The following STOX2 variants were observed in gnomAD, a reference collection of about 807,000 sequenced individuals.
STOX2 encodes the protein storkhead box 2, also known as storkhead-box protein 2.
STOX2 carries 28 observed loss-of-function variants against 60.9 expected under a neutral mutation model. The ratio of observed to expected loss-of-function variants is 0.46; its 90% confidence interval spans 0.34 to 0.63. The LOEUF is 0.63. Ranked by LOEUF, STOX2 falls within the 30% of genes least tolerant of loss-of-function variation. The pLI is 0.01. For missense variants in STOX2, 1,024 were observed against 1,187.7 expected (o/e 0.86, Z 2.03); for synonymous variants, 472 against 463.9 (o/e 1.02, Z -0.22).
chr4:183,882,519 C>T (rs1740981473), intron 1 of STOX2, among the ~76,000 whole-genome samples: 1 of 152,134 alleles, frequency 6.6e-6, no homozygotes, highest in Non-Finnish European at 1.5e-5. Flanking sequence ...CCTTTAGCTG[C>T]ATTAAGTGGA....
chr4:184,002,720 C>G (rs374957827), intron 2 of STOX2, among the ~76,000 whole-genome samples: 1 of 152,184 alleles, frequency 6.6e-6, no homozygotes, highest in East Asian at 1.9e-4. Flanking sequence ...CTGCTAAACT[C>G]AAAGTCAAGG....
intron 1 of STOX2, among the ~76,000 whole-genome samples, chr4:183,981,465 G>A (rs541825153): frequency 2.6e-5 from 4 of 151,454 alleles, no homozygotes; most frequent in East Asian, 3.9e-4. Flanking sequence ...TAACCCAGTC[G>A]GTTGGAAATA....
In STOX2 at chr4:184,009,286, C is replaced by A; in HGVS notation, c.448C>A (p.Leu150Ile). The change falls in exon 3 of 4, where the codon CTC (leucine) becomes ATC (isoleucine). Residue 150 changes from leucine to isoleucine, a missense_variant. Physicochemically the swap from Leu to Ile is conservative, Grantham distance 5 (BLOSUM62 2). Coordinates refer to ENST00000308497, the MANE Select transcript of STOX2 (RefSeq NM_020225.3). This position sits in a 1 kb window ranked among gnomAD's most constrained non-coding sequence, Gnocchi z 4.0. ...ACAGACTTATTTCATAACTCCTTCC[C>A]TCATAAGAACTAACAGTAAATGGTA... ...TPQTYFITPSLIRTNSKWYHL... is the reference protein window; with the variant it reads ...TPQTYFITPSIIRTNSKWYHL... 2.5e-6 allele frequency: 4 copies of A among 1,613,976 alleles called. No individual in the cohort carries two copies. The highest frequency in any genetic ancestry group is 1.7e-6 in the Non-Finnish European group (2 of 1,179,862).
chr4:183,851,497 G>C (rs1222937137), intron 1 of STOX2, among the ~76,000 whole-genome samples: 3 of 52,060 alleles, frequency 5.8e-5, no homozygotes, highest in Admixed American at 1.7e-4. Flanking sequence ...ATGAGGGAAA[G>C]GATGAGGGAA....
intron 1 of STOX2, among the ~76,000 whole-genome samples, chr4:183,971,097 GA>G (rs1743729554): frequency 6.6e-6 from 1 of 152,126 alleles, no homozygotes; most frequent in Non-Finnish European, 1.5e-5. Flanking sequence ...TTTTTTGGTG[GA>G]ACTTTTTGTG....
Position 184,001,230 on chromosome 4 carries a change from G to A in STOX2, c.167-95G>A, listed in dbSNP as rs762754012. ...GCTATGTTCGGAGCTGACTGTGTTC[G>A]TCAGACCAGGGCCAGATGGACGCGT... On this transcript the variant is annotated intron_variant, in intron 1 of 3. Transcript: ENST00000308497. This position sits in a 1 kb window ranked among gnomAD's most constrained non-coding sequence, Gnocchi z 4.2. The A allele has an allele frequency of 4.3e-5, 55 of 1,270,190 alleles. 1 individual carries two copies. The highest frequency in any genetic ancestry group is 3.2e-4 in the South Asian group (23 of 71,868). The allele number at this position is 1,270,190 out of a possible 1,614,324, so 78.7% of individuals were successfully genotyped here.
At chr4:183,853,240 T>C (rs1164191458) in intron 1 of STOX2, among the ~76,000 whole-genome samples, 2 of 152,216 alleles carry the variant, frequency 1.3e-5, no homozygotes, top group African/African-American at 4.8e-5. Context: ...TTGTCTTCAT[T>C]GTCAGGCTTT....
chr4:183,917,175 A>C (rs1741955809), intron 1 of STOX2, among the ~76,000 whole-genome samples: 2 of 152,324 alleles, frequency 1.3e-5, no homozygotes, highest in South Asian at 4.1e-4. Context: ...CAGTGGCTTC[A>C]GTGGACTCTG....
chr4:183,982,156 T>A (rs1732678132), intron 1 of STOX2, among the ~76,000 whole-genome samples: 1 of 152,214 alleles, frequency 6.6e-6, no homozygotes, highest in Admixed American at 6.5e-5. Flanking sequence ...GATTAAGTGA[T>A]GATGTACTAG....
intron 2 of STOX2, among the ~76,000 whole-genome samples, chr4:184,008,546 G>A (rs993980479): frequency 3.3e-5 from 5 of 152,220 alleles, no homozygotes; most frequent in Admixed American, 1.3e-4. Flanking sequence ...AATTTTACCC[G>A]GGCTGCAGTC....
intron 1 of STOX2, among the ~76,000 whole-genome samples, chr4:183,848,386 C>G (rs1232845903): frequency 6.6e-6 from 1 of 152,112 alleles, no homozygotes; most frequent in Non-Finnish European, 1.5e-5. Context: ...TTCCTGGCAA[C>G]TTTTTAGAAC....
intron 1 of STOX2, among the ~76,000 whole-genome samples, chr4:183,812,547 A>T (rs911913807): frequency 1.3e-5 from 2 of 152,230 alleles, no homozygotes; most frequent in Non-Finnish European, 2.9e-5. Flanking sequence ...TGCTGATAGA[A>T]TATGCATTAC....
chr4:183,886,022 G>T (rs1191192557), intron 1 of STOX2, among the ~76,000 whole-genome samples: 3 of 152,188 alleles, frequency 2.0e-5, no homozygotes, highest in Non-Finnish European at 2.9e-5. Flanking sequence ...GAGGGCGAAG[G>T]TTCAGATGGT....
At chr4:183,893,315 G>C (rs1741269589) in intron 1 of STOX2, among the ~76,000 whole-genome samples, 1 of 152,232 alleles carries the variant, frequency 6.6e-6, no homozygotes, top group Non-Finnish European at 1.5e-5. Context: ...GCTGGGACCA[G>C]TGTGGACTGT....
intron 3 of STOX2, among the ~76,000 whole-genome samples, chr4:184,013,776 G>A (rs541671987): frequency 8.5e-5 from 13 of 152,198 alleles, no homozygotes; most frequent in East Asian, 1.9e-4. Flanking sequence ...CCATTGCTGC[G>A]AGACATGGGA....
intron 1 of STOX2, among the ~76,000 whole-genome samples, chr4:183,848,299 G>A (rs540966776): frequency 6.6e-6 from 1 of 152,284 alleles, no homozygotes; most frequent in Middle Eastern, 3.4e-3. Context: ...CTCAGTTGTT[G>A]CCTCTTGATC....
intron 1 of STOX2, among the ~76,000 whole-genome samples, chr4:183,843,518 T>A (rs570931558): frequency 6.6e-6 from 1 of 152,340 alleles, no homozygotes; most frequent in Non-Finnish European, 1.5e-5. Context: ...AGATAGTGTA[T>A]GCTTTCGACT....
At chr4:183,907,104 AT>A in intron 1 of STOX2, 148 bp downstream of exon 1, 1 of 653,998 alleles carries the variant, frequency 1.5e-6, no homozygotes, top group Non-Finnish European at 2.6e-6. Flanking sequence ...CCCATCCACC[AT>A]TTTGTACCTC....
chr4:183,908,598 T>TTTTG (rs1741687558), intron 1 of STOX2, among the ~76,000 whole-genome samples: 1 of 151,506 alleles, frequency 6.6e-6, no homozygotes, highest in African/African-American at 2.4e-5. Context: ...GCCAGTTTTT[T>TTTTG]TTTTTTTTTT....
Sources: allele counts gnomAD v4.1 joint callset (sites outside exome capture counted in the v4.1 genomes callset), GRCh38; gene constraint gnomAD v4.1.1; non-coding constraint Gnocchi (gnomAD v3.1); transcripts MANE v1.5; gene names NCBI Gene and HGNC (gene_info 2026-07-23, HGNC 2026-07-21).